SORCS1: variants seen among roughly 807,000 people sequenced by gnomAD.
SORCS1 encodes the protein VPS10 domain-containing receptor SorCS1.
In SORCS1, 60 loss-of-function variants were observed where a neutral mutation model predicts 146.1. That is an observed-to-expected ratio of 0.41 (90% confidence interval 0.33 to 0.51). The LOEUF (loss-of-function observed/expected upper bound fraction) is 0.51. SORCS1 is among the 20% of genes least tolerant of loss of function. SORCS1 has a pLI of 0.21. For synonymous variants in SORCS1, 637 were observed against 584.0 expected, an observed-to-expected ratio of 1.09 and a Z score of -1.31; for missense variants, 1,352 against 1,487.6, an observed-to-expected ratio of 0.91 and a Z score of 1.50.
intron 1 of SORCS1, among the ~76,000 whole-genome samples, chr10:107,034,607 G>A (rs1474964180): frequency 1.4e-5 from 2 of 138,286 alleles, no homozygotes; most frequent in African/African-American, 5.4e-5. Context: ...TTGAACCTGG[G>A]AGGCACAGGT....
At chr10:107,056,549 T>G (rs997031090) in intron 1 of SORCS1, among the ~76,000 whole-genome samples, 9 of 152,232 alleles carry the variant, frequency 5.9e-5, no homozygotes, top group African/African-American at 2.2e-4. Flanking sequence ...GGCAGCAACT[T>G]ATGAGGACAG....
rs1339635944 is a variant in SORCS1 at position 106,906,638 on chromosome 10, C to T, written c.626+49875G>A. Among the ~76,000 whole-genome samples the T allele has an allele frequency of 2.6e-5, 4 of 152,302 alleles. No homozygotes were observed. The East Asian group carries it at 7.7e-4, about 29-fold the overall frequency. ...GCCCCCATGATTGAATTACCTTCCCCTGGGTCCCTTCCACAACACGTGGGA... is the reference window on the plus strand; with the variant it reads ...GCCCCCATGATTGAATTACCTTCCCTTGGGTCCCTTCCACAACACGTGGGA... On this transcript the variant is annotated intron_variant, in intron 2 of 25. Coordinates refer to ENST00000263054, the MANE Select transcript of SORCS1 (RefSeq NM_052918.5).
At chr10:106,962,147 C>T (rs914829072) in intron 1 of SORCS1, among the ~76,000 whole-genome samples, 44 of 151,894 alleles carry the variant, frequency 2.9e-4, no homozygotes, top group African/African-American at 1.0e-3. Context: ...TGCCTGTAAT[C>T]CCAGCAATTT....
intron 1 of SORCS1, among the ~76,000 whole-genome samples, chr10:107,079,707 C>G (rs1302698510): frequency 6.6e-6 from 1 of 152,076 alleles, no homozygotes; most frequent in African/African-American, 2.4e-5. Flanking sequence ...CCAGGAAGGC[C>G]CAGAGTGAGT....
intron 1 of SORCS1, among the ~76,000 whole-genome samples, chr10:106,989,921 C>T (rs780956529): frequency 2.0e-5 from 3 of 151,928 alleles, no homozygotes; most frequent in African/African-American, 2.4e-5. Context: ...CTCATGACCT[C>T]GAGATCCACC....
At chr10:107,068,743 G>T (rs1365966690) in intron 1 of SORCS1, among the ~76,000 whole-genome samples, 1 of 152,054 alleles carries the variant, frequency 6.6e-6, no homozygotes, top group African/African-American at 2.4e-5. Flanking sequence ...GGTGGTGGGG[G>T]CCTGTAGTCC....
chr10:107,092,378 G>A (rs565744003), intron 1 of SORCS1, among the ~76,000 whole-genome samples: 2 of 152,348 alleles, frequency 1.3e-5, no homozygotes, highest in Admixed American at 6.5e-5. Context: ...GTTTATGGTT[G>A]TGGAAGCTGA....
intron 5 of SORCS1, among the ~76,000 whole-genome samples, chr10:106,758,839 G>A (rs1470397441): frequency 6.6e-6 from 1 of 152,158 alleles, no homozygotes; most frequent in Non-Finnish European, 1.5e-5. Flanking sequence ...TTAGAAGCAA[G>A]GCTCACAGCA....
chr10:106,994,086 A>AAAAAAAAAAAAAAAAAAAAAAAAAG (rs1554908001), intron 1 of SORCS1, among the ~76,000 whole-genome samples: 2 of 135,002 alleles, frequency 1.5e-5, no homozygotes, highest in African/African-American at 7.0e-5. Flanking sequence ...AAAAAAAAAA[A>AAAAAAAAAAAAAAAAAAAAAAAAAG]AGAAAATGAG....
chr10:106,687,314 T>C (rs1852930579), intron 10 of SORCS1, among the ~76,000 whole-genome samples: 1 of 152,200 alleles, frequency 6.6e-6, no homozygotes, highest in African/African-American at 2.4e-5. Context: ...GATGCCATCA[T>C]ATATCAAATA....
chr10:106,973,325 C>T (rs77490307), intron 1 of SORCS1, among the ~76,000 whole-genome samples: 28,727 of 152,136 alleles, frequency 0.19, 3,254 homozygotes, highest in Middle Eastern at 0.31. Flanking sequence ...AAGTATGTCC[C>T]TGCTGCTTCT....
At chr10:106,752,471 G>A (rs1343771640) in intron 5 of SORCS1, among the ~76,000 whole-genome samples, 1 of 152,164 alleles carries the variant, frequency 6.6e-6, no homozygotes, top group African/African-American at 2.4e-5. Flanking sequence ...GATATAAGAA[G>A]TATTGACAGA....
chr10:107,165,690 A>C (rs1029505514), upstream of SORCS1, among the ~76,000 whole-genome samples: 2 of 152,206 alleles, frequency 1.3e-5, no homozygotes, highest in African/African-American at 4.8e-5. This position sits in a 1 kb window ranked among gnomAD's most constrained non-coding sequence, Gnocchi z 4.0. Flanking sequence ...GAGGCACAGT[A>C]CTTATAGTTA....
intron 18 of SORCS1, among the ~76,000 whole-genome samples, chr10:106,639,504 A>C (rs956924206): frequency 1.3e-5 from 2 of 152,228 alleles, no homozygotes; most frequent in Non-Finnish European, 2.9e-5. Flanking sequence ...GTGGAGACTT[A>C]GAAAGAGTTG....
intron 1 of SORCS1, among the ~76,000 whole-genome samples, chr10:107,084,640 C>T (rs750700847): frequency 1.3e-5 from 2 of 151,968 alleles, no homozygotes; most frequent in Non-Finnish European, 2.9e-5. Context: ...TAATAATAGT[C>T]TACAATAGTT....
chr10:106,706,773 T>A (rs532179174), intron 7 of SORCS1, 139 bp from the exon 8 acceptor site: 1 of 745,216 alleles, frequency 1.3e-6, no homozygotes, highest in South Asian at 1.8e-5. Flanking sequence ...GTGTAAAGAA[T>A]TGGCCTTCAG....
chr10:106,940,094 A>C (rs1218353104), intron 2 of SORCS1, among the ~76,000 whole-genome samples: 1 of 152,226 alleles, frequency 6.6e-6, no homozygotes, highest in African/African-American at 2.4e-5. Flanking sequence ...TCCAGCACTC[A>C]CGAAAGCATC....
At position 107,055,373 on chromosome 10, in the gene SORCS1, G is replaced by T. The variant is rs756704221; in HGVS notation, c.559-98793C>A. On this transcript the variant is annotated intron_variant, in intron 1 of 25. Coordinates refer to ENST00000263054, the MANE Select transcript of SORCS1 (RefSeq NM_052918.5). Reference sequence around the variant, plus strand: ...GTAAAGGAATAGATAGTGAGTTTAAGTTATACAGGCAGGACTTAATACATG... The same window carrying T: ...GTAAAGGAATAGATAGTGAGTTTAATTTATACAGGCAGGACTTAATACATG... Among the ~76,000 whole-genome samples the T allele has an allele frequency of 7.8e-3, 1,192 of 152,338 alleles. 14 individuals carry two copies. Among genetic ancestry groups the T allele is most frequent in the African/African-American group, 0.027 (1,116 of 41,584 alleles).
At chr10:107,162,780 G>A (rs1969802802) in intron 1 of SORCS1, among the ~76,000 whole-genome samples, 1 of 152,196 alleles carries the variant, frequency 6.6e-6, no homozygotes, top group African/African-American at 2.4e-5. Flanking sequence ...GAAGGTTTCT[G>A]GGAATTACAT....
Sources: allele counts gnomAD v4.1 joint callset (sites outside exome capture counted in the v4.1 genomes callset), GRCh38; gene constraint gnomAD v4.1.1; non-coding constraint Gnocchi (gnomAD v3.1); transcripts MANE v1.5; gene names NCBI Gene and HGNC (gene_info 2026-07-23, HGNC 2026-07-21).